U2SURP: variants seen among roughly 807,000 people sequenced by gnomAD.
The protein encoded by U2SURP is U2 snRNP associated SURP domain containing.
In U2SURP, 9 loss-of-function variants were observed where a neutral mutation model predicts 144.9. The ratio of observed to expected loss-of-function variants is 0.06; its 90% CI spans 0.04 to 0.11. U2SURP has a LOEUF of 0.11. Among genes scored for constraint, U2SURP ranks in the 10% least tolerant of loss-of-function variants. U2SURP has a pLI of 1.00. For synonymous variants in U2SURP, 408 were observed against 396.8 expected, an observed-to-expected ratio of 1.03 and a Z score of -0.33; for missense variants, 724 against 1,226.7, an observed-to-expected ratio of 0.59 and a Z score of 6.12.
intron 1 of U2SURP, among the ~76,000 whole-genome samples, chr3:143,006,970 G>A (rs1364842808): frequency 1.3e-5 from 2 of 152,150 alleles, no homozygotes; most frequent in East Asian, 1.9e-4. Flanking sequence ...ATGTTGCTGT[G>A]GATAGCTTGG....
intron 6 of U2SURP, among the ~76,000 whole-genome samples, chr3:143,019,105 A>G (rs1422922267): frequency 2.0e-5 from 3 of 152,076 alleles, no homozygotes. Flanking sequence ...GTCTGTTCAG[A>G]TACTTGGCCC....
At position 143,016,841 on chromosome 3, in the gene U2SURP, G is replaced by T; in HGVS notation, c.437-1G>T. 6.6e-7 allele frequency: 1 copy of T among 1,519,354 alleles called. No individual in the cohort carries two copies. Among genetic ancestry groups the T allele is most frequent in the Non-Finnish European group, 8.8e-7 (1 of 1,140,678 alleles). 94.1% of individuals were successfully genotyped at this position (1,519,354 alleles called of 1,614,324 possible). A position where few individuals can be genotyped will look rare whatever the true frequency, so the allele number is the denominator to read the frequency against. The stretch of plus-strand genomic sequence containing the variant: ...TTGAAACTTAGTATTTTAAATTTCA[G>T]AAGAACATGAAACAGATGAAAAAAG... On this transcript the variant is annotated splice_acceptor_variant, in intron 5 of 27. Transcript: ENST00000473835. LOFTEE classifies it high-confidence loss of function.
chr3:143,010,857 C>T lies in U2SURP; in HGVS notation c.88C>T (p.His30Tyr), dbSNP rs770964271. 3.7e-6 allele frequency: 6 copies of T among 1,606,360 alleles called. No homozygotes were observed. The East Asian group carries it at 1.3e-4, about 36-fold the overall frequency. ...DVHSSGSSDA[H>Y]MDASGPSDSD... ...TCATTCATCTGGATCTTCAGATGCACATGTGAGTATAGAAGGCAATCTTTG... is the reference window on the plus strand; with the variant it reads ...TCATTCATCTGGATCTTCAGATGCATATGTGAGTATAGAAGGCAATCTTTG... The change falls in exon 2 of 28, where the codon CAT (histidine) becomes TAT (tyrosine). Residue 30 changes from histidine (H) to tyrosine (Y), a missense_variant and splice_region_variant. By Grantham distance (83) the His-to-Tyr change is moderately conservative. This residue lies in a region of U2SURP where 127 missense variants were observed against 98.2 expected (regional missense o/e 1.29). Coordinates refer to ENST00000473835, the MANE Select transcript of U2SURP (RefSeq NM_001080415.2).
In U2SURP at chr3:143,033,738, A is replaced by G. The variant is rs145826257; in HGVS notation, c.1853+388A>G. Among the ~76,000 whole-genome samples, 18 of 152,296 alleles carry G rather than the reference A, an allele frequency of 1.2e-4. No individual in the cohort carries two copies. The East Asian group carries it at 2.9e-3, about 24-fold the overall frequency. On this transcript the variant is annotated intron_variant, in intron 18 of 27. Transcript: ENST00000473835. The stretch of plus-strand genomic sequence containing the variant: ...TGAGCATCTGTGGATTTTGGTGTCC[A>G]TGGGAGGTCTTGGAACCAGTCCCCC...
intron 23 of U2SURP, among the ~76,000 whole-genome samples, chr3:143,042,696 AT>A (rs1271787777): frequency 1.3e-5 from 2 of 152,164 alleles, no homozygotes; most frequent in African/African-American, 4.8e-5. Flanking sequence ...AACATAGAAT[AT>A]TTGTGAATAT....
At chr3:143,019,022 T>C (rs1267374144) in intron 6 of U2SURP, among the ~76,000 whole-genome samples, 1 of 152,238 alleles carries the variant, frequency 6.6e-6, no homozygotes, top group African/African-American at 2.4e-5. Context: ...TGGTTTTGAT[T>C]TGCATGTACT....
At chr3:143,006,129 CAG>C (rs1935817222) in intron 1 of U2SURP, among the ~76,000 whole-genome samples, 1 of 152,150 alleles carries the variant, frequency 6.6e-6, no homozygotes. Flanking sequence ...ATAGGTTATT[CAG>C]AGTGTACTTA....
chr3:143,037,346 A>G lies in U2SURP; in HGVS notation c.2221+11A>G. 1 of 1,608,954 alleles carries G rather than the reference A, an allele frequency of 6.2e-7. No homozygotes were observed. Among genetic ancestry groups the G allele is most frequent in the Non-Finnish European group, 8.5e-7 (1 of 1,177,226 alleles). On this transcript the variant is annotated intron_variant, in intron 21 of 27. Transcript: ENST00000473835. ...TTGATGGAGTGCCTTGTAAGTTCAG[A>G]TTTCAAACTGATTAAATCTAGCTAA...
chr3:143,046,924 C>T lies in U2SURP; in HGVS notation c.2544+3648C>T, dbSNP rs1266926933. ...GCAGAGGCGCCGCTCACCTCCCGGA[C>T]GGGGCGGCTGGCCGGGCAGGGGGCT... On this transcript the variant is annotated intron_variant, in intron 24 of 27. Transcript: ENST00000473835. 2.5e-4 allele frequency among the ~76,000 whole-genome samples: 26 copies of T among 104,024 alleles called. No homozygotes were observed. In the East Asian group the frequency reaches 3.2e-3, roughly 13 times the overall value. 68.2% of individuals were successfully genotyped at this position (104,024 alleles called of 152,430 possible). A position where few individuals can be genotyped will look rare whatever the true frequency, so the allele number is the denominator to read the frequency against.
At position 143,019,172 on chromosome 3, in the gene U2SURP, C is replaced by T. The variant is rs539304002; in HGVS notation, c.571-797C>T. Among the ~76,000 whole-genome samples the T allele has an allele frequency of 5.6e-4, 85 of 152,156 alleles. 1 individual carries two copies. The highest frequency in any genetic ancestry group is 1.1e-3 in the Non-Finnish European group (74 of 68,000). ...GTTGAATCGTAAGAGTATTTTACAT[C>T]TTCTTGAGTCAAGGTTCTTATCAGC... On this transcript the variant is annotated intron_variant, in intron 6 of 27. Coordinates refer to ENST00000473835, the MANE Select transcript of U2SURP (RefSeq NM_001080415.2).
chr3:143,038,010 T>G, intron 21 of U2SURP, 98 bp from the exon 22 acceptor site: 1 of 777,800 alleles, frequency 1.3e-6, no homozygotes, highest in South Asian at 2.7e-5. Flanking sequence ...GTGTCCTTAT[T>G]TTACTTTGCT....
At chr3:143,018,603 A>G (rs955266169) in intron 6 of U2SURP, among the ~76,000 whole-genome samples, 3 of 151,728 alleles carry the variant, frequency 2.0e-5, no homozygotes, top group Non-Finnish European at 2.9e-5. Context: ...GCTGGGTCAC[A>G]TGGTAACTAT....
At position 143,014,425 on chromosome 3, in the gene U2SURP, TA is replaced by T. The variant is rs749365615; in HGVS notation, c.321+17del. 5 of 1,518,430 alleles carry T rather than the reference TA, an allele frequency of 3.3e-6. No individual in the cohort carries two copies. The highest frequency in any genetic ancestry group is 4.5e-6 in the Non-Finnish European group (5 of 1,101,748). 94.1% of individuals were successfully genotyped at this position (1,518,430 alleles called of 1,614,324 possible). A position where few individuals can be genotyped will look rare whatever the true frequency, so the allele number is the denominator to read the frequency against. Reference sequence around the variant, plus strand: ...AAAGAAAAAGGTAATGTTGAAAATGTATTTTGAATTATCCTTGGAAATGAAT... The same window carrying T: ...AAAGAAAAAGGTAATGTTGAAAATGTTTTTGAATTATCCTTGGAAATGAAT... On this transcript the variant is annotated intron_variant, in intron 4 of 27. Coordinates refer to ENST00000473835, the MANE Select transcript of U2SURP (RefSeq NM_001080415.2).
chr3:143,017,155 C>T (rs532039284), intron 6 of U2SURP, 180 bp downstream of exon 6: 14 of 451,980 alleles, frequency 3.1e-5, no homozygotes, highest in African/African-American at 2.0e-4. Flanking sequence ...AATTGGGACA[C>T]GTAGATGATA....
rs1196354814 is a variant in U2SURP at position 143,001,611 on chromosome 3, G to A, written c.-18G>A. Reference sequence around the variant, plus strand: ...CGCCCGTGCTGCTGCCGCCGCCGAAGGAGGGGCAAAGCTCAAGATGGCGGA... The same window carrying A: ...CGCCCGTGCTGCTGCCGCCGCCGAAAGAGGGGCAAAGCTCAAGATGGCGGA... On this transcript the variant is annotated 5_prime_UTR_variant, in exon 1 of 28. Transcript: ENST00000473835. The A allele has an allele frequency of 2.5e-6, 4 of 1,613,688 alleles. No individual in the cohort carries two copies. The highest frequency in any genetic ancestry group is 1.3e-5 in the African/African-American group (1 of 74,916).
chr3:143,023,101 T>C lies in U2SURP; in HGVS notation c.1230+37T>C, dbSNP rs779495514. 29 of 1,491,092 alleles carry C rather than the reference T, an allele frequency of 1.9e-5. No homozygotes were observed. In the East Asian group the frequency reaches 6.9e-4, roughly 36 times the overall value. 92.4% of individuals were successfully genotyped at this position (1,491,092 alleles called of 1,614,324 possible). A position where few individuals can be genotyped will look rare whatever the true frequency, so the allele number is the denominator to read the frequency against. On this transcript the variant is annotated intron_variant, in intron 12 of 27. Transcript: ENST00000473835. Reference sequence around the variant, plus strand: ...AATGGACATAAGGCCGCATCTAATTTGTAAATACTAAAGCTGTGGTAGTAT... The same window carrying C: ...AATGGACATAAGGCCGCATCTAATTCGTAAATACTAAAGCTGTGGTAGTAT...
At chr3:143,045,678 G>GCTCTTTTGTA (rs1934396106) in intron 24 of U2SURP, among the ~76,000 whole-genome samples, 1 of 152,178 alleles carries the variant, frequency 6.6e-6, no homozygotes, top group Non-Finnish European at 1.5e-5. Context: ...TACTTCATGT[G>GCTCTTTTGTA]CTCTTTTGTA....
At chr3:143,023,159 G>A (rs1302077678) in intron 12 of U2SURP, 95 bp downstream of exon 12, 2 of 1,158,986 alleles carry the variant, frequency 1.7e-6, no homozygotes, top group Non-Finnish European at 2.4e-6. Context: ...AAATGTGTGT[G>A]TAATTCTGTT....
intron 20 of U2SURP, 72 bp downstream of exon 20, chr3:143,036,176 G>A: frequency 6.8e-7 from 1 of 1,460,220 alleles, no homozygotes; most frequent in Admixed American, 2.4e-5. Flanking sequence ...GAGTTGTTCT[G>A]TGTTACATAT....
Sources: allele counts gnomAD v4.1 joint callset (sites outside exome capture counted in the v4.1 genomes callset), GRCh38; gene constraint gnomAD v4.1.1; regional missense constraint gnomAD v4.1.1; transcripts MANE v1.5; gene names NCBI Gene and HGNC (gene_info 2026-07-23, HGNC 2026-07-21).